The following PPFIA2 variants were observed in gnomAD, a reference collection of about 807,000 sequenced individuals.
The protein encoded by PPFIA2 is liprin-alpha-2.
In PPFIA2, 46 loss-of-function variants were observed where a neutral mutation model predicts 175.5. That is an observed-to-expected ratio of 0.26 (90% CI 0.21 to 0.34). The LOEUF (loss-of-function observed/expected upper bound fraction) is 0.34. PPFIA2 is among the 10% of genes least tolerant of loss of function. The pLI is 1.00. For missense variants in PPFIA2, 1,179 were observed against 1,506.1 expected (o/e 0.78, Z 3.60); for synonymous variants, 568 against 511.4 (o/e 1.11, Z -1.49).
At chr12:81,657,002 T>C (rs2067890771) in intron 4 of PPFIA2, among the ~76,000 whole-genome samples, 2 of 152,184 alleles carry the variant, frequency 1.3e-5, no homozygotes, top group South Asian at 4.1e-4. Context: ...ATCAGATCCA[T>C]TTTTAAAGTG....
rs148325825 is a variant in PPFIA2, at chr12:81,512,171, T to C, written c.304-54305A>G. On this transcript the variant is annotated intron_variant, in intron 4 of 32. Transcript: ENST00000549396. ...TCAATGTCAGCATGTTAGCTAACAA[T>C]GTGTTTAATACTTAGCAGATGCTGT... 2.2e-4 allele frequency: 85 copies of C among 379,446 alleles called. No homozygotes were observed. The East Asian group carries it at 2.5e-3, about 11-fold the overall frequency. The allele number at this position is 379,446 out of a possible 1,614,324, so 23.5% of individuals were successfully genotyped here. A position where few individuals can be genotyped will look rare whatever the true frequency, so the allele number is the denominator to read the frequency against.
At chr12:81,359,980 C>T (rs1453708151) in intron 15 of PPFIA2, among the ~76,000 whole-genome samples, 4 of 151,860 alleles carry the variant, frequency 2.6e-5, no homozygotes, top group Admixed American at 6.6e-5. Context: ...TCCAGTAACT[C>T]ACACTTTCTT....
chr12:81,344,496 C>T (rs1295353902), intron 19 of PPFIA2, among the ~76,000 whole-genome samples, 168 bp downstream of exon 19: 1 of 151,654 alleles, frequency 6.6e-6, no homozygotes, highest in Non-Finnish European at 1.5e-5. Flanking sequence ...ACAATTTTAT[C>T]TTTGAAGTAT....
intron 28 of PPFIA2, among the ~76,000 whole-genome samples, chr12:81,273,832 C>T (rs1046413396): frequency 4.6e-5 from 7 of 151,986 alleles, no homozygotes; most frequent in South Asian, 4.2e-4. Flanking sequence ...AATTTCTGCC[C>T]GAAGAAGGAC....
chr12:81,587,538 T>A (rs1424021395), intron 4 of PPFIA2, among the ~76,000 whole-genome samples: 1 of 152,056 alleles, frequency 6.6e-6, no homozygotes, highest in African/African-American at 2.4e-5. Flanking sequence ...TTAACTATTA[T>A]GAATTTTTTA....
chr12:81,676,379 C>A (rs1214114497), intron 4 of PPFIA2, among the ~76,000 whole-genome samples: 8 of 151,806 alleles, frequency 5.3e-5, no homozygotes, highest in African/African-American at 1.9e-4. Context: ...TGGAAGCTTC[C>A]TGAATTAAGT....
chr12:81,714,888 A>G (rs897690679), intron 3 of PPFIA2, among the ~76,000 whole-genome samples: 7 of 151,166 alleles, frequency 4.6e-5, no homozygotes, highest in South Asian at 2.1e-4. Context: ...TTATGAGGAC[A>G]TATATGTTAA....
chr12:81,690,843 A>G (rs2075149451), intron 3 of PPFIA2, among the ~76,000 whole-genome samples: 1 of 152,092 alleles, frequency 6.6e-6, no homozygotes, highest in African/African-American at 2.4e-5. Flanking sequence ...TAAAGGCTGC[A>G]TGCATTTTTT....
chr12:81,529,616 A>T (rs1306607374), intron 4 of PPFIA2, among the ~76,000 whole-genome samples: 1 of 151,706 alleles, frequency 6.6e-6, no homozygotes, highest in Non-Finnish European at 1.5e-5. Flanking sequence ...AGGCACTAAA[A>T]ATACAAAGGC....
intron 3 of PPFIA2, among the ~76,000 whole-genome samples, chr12:81,727,184 C>T (rs937097767): frequency 6.6e-6 from 1 of 151,234 alleles, no homozygotes; most frequent in Non-Finnish European, 1.5e-5. Flanking sequence ...CAGACCATGT[C>T]ATATCAAATC....
Position 81,551,912 on chromosome 12 carries a change from C to T in PPFIA2, c.304-94046G>A, listed in dbSNP as rs918094297. 9.2e-5 allele frequency among the ~76,000 whole-genome samples: 14 copies of T among 151,898 alleles called. No individual in the cohort carries two copies. The East Asian group carries it at 2.5e-3, about 27-fold the overall frequency. On this transcript the variant is annotated intron_variant, in intron 4 of 32. Transcript: ENST00000549396. ...TAGATAACTACAACTGGATTAATTA[C>T]TTTAATTTCTCTCTTATTCAAGATG...
intron 22 of PPFIA2, among the ~76,000 whole-genome samples, chr12:81,320,073 C>G (rs1036899712): frequency 1.3e-5 from 2 of 152,042 alleles, no homozygotes; most frequent in Non-Finnish European, 2.9e-5. Context: ...GGCATATAGG[C>G]ACTTAACGAA....
chr12:81,642,944 T>C (rs563305107), intron 4 of PPFIA2, among the ~76,000 whole-genome samples: 1 of 134,098 alleles, frequency 7.5e-6, no homozygotes, highest in East Asian at 2.3e-4. Flanking sequence ...ACATATGTAA[T>C]AATATATGTA....
intron 4 of PPFIA2, among the ~76,000 whole-genome samples, chr12:81,492,579 A>G (rs1348313082): frequency 6.6e-6 from 1 of 152,090 alleles, no homozygotes; most frequent in Non-Finnish European, 1.5e-5. Context: ...AAAGACAGCA[A>G]GGGAGTAAGA....
At chr12:81,602,473 C>A (rs1035989137) in intron 4 of PPFIA2, among the ~76,000 whole-genome samples, 6 of 148,388 alleles carry the variant, frequency 4.0e-5, no homozygotes, top group Admixed American at 4.0e-4. Flanking sequence ...TTTTTATCAG[C>A]AATATTACTC....
intron 8 of PPFIA2, among the ~76,000 whole-genome samples, chr12:81,389,756 G>A (rs1185929137): frequency 6.6e-6 from 1 of 151,946 alleles, no homozygotes; most frequent in Non-Finnish European, 1.5e-5. Context: ...ATGACAAATG[G>A]CTGTATTAAA....
At chr12:81,578,144 T>C (rs534162120) in intron 4 of PPFIA2, among the ~76,000 whole-genome samples, 2 of 151,740 alleles carry the variant, frequency 1.3e-5, no homozygotes, top group African/African-American at 2.4e-5. Context: ...TCTTTAAGCA[T>C]GGTAGCTGGT....
intron 4 of PPFIA2, among the ~76,000 whole-genome samples, chr12:81,670,921 C>G (rs753380990): frequency 4.6e-5 from 7 of 151,882 alleles, no homozygotes; most frequent in Non-Finnish European, 1.0e-4. Context: ...TACTTAAGTG[C>G]TTTTCTTTCT....
intron 19 of PPFIA2, among the ~76,000 whole-genome samples, chr12:81,343,291 T>C (rs1208440979): frequency 6.6e-6 from 1 of 152,062 alleles, no homozygotes; most frequent in Non-Finnish European, 1.5e-5. Flanking sequence ...CATTTTCGTA[T>C]AGAACCTTCC....
Sources: gnomAD v4.1 joint callset for allele counts (sites outside exome capture counted in the v4.1 genomes callset) on GRCh38, gnomAD v4.1.1 for gene constraint, MANE v1.5 for transcripts, NCBI Gene and HGNC (gene_info 2026-07-23, HGNC 2026-07-21) for gene names.